GTF2F2: variants seen among roughly 807,000 people sequenced by gnomAD.
The protein encoded by GTF2F2 is general transcription factor IIF subunit 2.
A neutral mutation model predicts 42.2 loss-of-function variants in GTF2F2; 23 were observed. That is an observed-to-expected ratio of 0.55 (90% CI 0.39 to 0.77). The LOEUF is 0.77. GTF2F2 is among the 30% of genes least tolerant of loss of function. GTF2F2 has a pLI of 0.00. For synonymous variants in GTF2F2, 105 were observed against 100.8 expected (o/e 1.04, Z -0.25); for missense variants, 261 against 287.2 (o/e 0.91, Z 0.66).
chr13:45,123,573 G>A (rs1338352257), intron 1 of GTF2F2, among the ~76,000 whole-genome samples: 1 of 151,196 alleles, frequency 6.6e-6, no homozygotes, highest in Non-Finnish European at 1.5e-5. Context: ...AGGCTGCAGT[G>A]AGCTGAGATC....
At chr13:45,281,604 G>A (rs970771802) in intron 7 of GTF2F2, among the ~76,000 whole-genome samples, 1 of 152,138 alleles carries the variant, frequency 6.6e-6, no homozygotes, top group East Asian at 1.9e-4. Flanking sequence ...AGATTCCTGG[G>A]CCTAGCCCAA....
At chr13:45,239,046 G>A (rs1243961153) in intron 5 of GTF2F2, among the ~76,000 whole-genome samples, 1 of 152,092 alleles carries the variant, frequency 6.6e-6, no homozygotes, top group Non-Finnish European at 1.5e-5. Context: ...AAATCTCCAG[G>A]CAGTACAGTC....
rs552437605 is a variant in GTF2F2 at position 45,182,123 on chromosome 13, G to T, written c.305-25301G>T. Reference sequence around the variant, plus strand: ...CTCTCTTCCAGCTTCCACCAGTTTAGTTTTTTAGACTACATTTCACTTTCC... The same window carrying T: ...CTCTCTTCCAGCTTCCACCAGTTTATTTTTTTAGACTACATTTCACTTTCC... On this transcript the variant is annotated intron_variant, in intron 4 of 7. Transcript: ENST00000340473. 3.3e-5 allele frequency among the ~76,000 whole-genome samples: 5 copies of T among 152,118 alleles called. No homozygotes were observed. The South Asian group carries it at 8.3e-4, about 25-fold the overall frequency.
intron 4 of GTF2F2, among the ~76,000 whole-genome samples, chr13:45,156,578 TA>T (rs1257660692): frequency 6.6e-6 from 1 of 152,142 alleles, no homozygotes; most frequent in African/African-American, 2.4e-5. Context: ...GAACATGGGA[TA>T]ATAGAGGTAA....
At chr13:45,250,121 G>A (rs1426675972) in intron 5 of GTF2F2, among the ~76,000 whole-genome samples, 1 of 130,894 alleles carries the variant, frequency 7.6e-6, no homozygotes, top group Admixed American at 8.8e-5. Context: ...GTGACACGAT[G>A]TTGGCTCACT....
intron 4 of GTF2F2, among the ~76,000 whole-genome samples, chr13:45,179,566 T>G (rs1872047788): frequency 6.6e-6 from 1 of 152,202 alleles, no homozygotes; most frequent in Non-Finnish European, 1.5e-5. Context: ...GGAAATGAAC[T>G]CCTGTTAGAC....
At chr13:45,230,249 T>C (rs187484006) in intron 5 of GTF2F2, among the ~76,000 whole-genome samples, 84 of 151,082 alleles carry the variant, frequency 5.6e-4, no homozygotes, top group South Asian at 1.7e-3. Flanking sequence ...AAAAGGATGG[T>C]AGGAGAGGTA....
intron 1 of GTF2F2, among the ~76,000 whole-genome samples, chr13:45,136,532 T>C (rs1869630744): frequency 6.6e-6 from 1 of 152,254 alleles, no homozygotes; most frequent in Non-Finnish European, 1.5e-5. Context: ...AGTTTTGTGT[T>C]GCCACCTCGA....
At chr13:45,218,844 A>C (rs905063232) in intron 5 of GTF2F2, among the ~76,000 whole-genome samples, 7 of 152,232 alleles carry the variant, frequency 4.6e-5, no homozygotes, top group African/African-American at 1.7e-4. Context: ...GGATTTAAAT[A>C]TTCCTAGTAG....
chr13:45,234,302 A>G (rs1197499165), intron 5 of GTF2F2, among the ~76,000 whole-genome samples: 1 of 152,250 alleles, frequency 6.6e-6, no homozygotes, highest in Non-Finnish European at 1.5e-5. Context: ...AGGATATAAA[A>G]TAAGTGACTG....
intron 4 of GTF2F2, among the ~76,000 whole-genome samples, chr13:45,164,726 G>GA (rs910218901): frequency 8.7e-5 from 13 of 149,014 alleles, no homozygotes; most frequent in East Asian, 3.9e-4. Flanking sequence ...ACCCTGTCTG[G>GA]AAAAAAAAAA....
chr13:45,265,967 G>A (rs1382076911), intron 6 of GTF2F2, among the ~76,000 whole-genome samples: 1 of 152,174 alleles, frequency 6.6e-6, no homozygotes, highest in African/African-American at 2.4e-5. Context: ...TACAAGTGAA[G>A]TGTTCCTAAA....
intron 5 of GTF2F2, among the ~76,000 whole-genome samples, chr13:45,246,416 T>A (rs748556618): frequency 6.6e-6 from 1 of 152,178 alleles, no homozygotes; most frequent in African/African-American, 2.4e-5. Context: ...TTATCTTACT[T>A]AGGCACCACT....
intron 5 of GTF2F2, among the ~76,000 whole-genome samples, chr13:45,248,414 TTTG>T (rs1217750697): frequency 6.6e-6 from 1 of 152,120 alleles, no homozygotes; most frequent in Admixed American, 6.6e-5. Context: ...TTTGTGTTTT[TTTG>T]TTTTGTTTTG....
intron 4 of GTF2F2, among the ~76,000 whole-genome samples, chr13:45,171,605 TA>T (rs988036861): frequency 1.7e-4 from 26 of 152,196 alleles, no homozygotes; most frequent in African/African-American, 5.5e-4. Context: ...TATTGCCTTT[TA>T]AAAAATTACA....
At chr13:45,275,950 C>T (rs1877016988) in intron 7 of GTF2F2, among the ~76,000 whole-genome samples, 1 of 152,190 alleles carries the variant, frequency 6.6e-6, no homozygotes, top group Non-Finnish European at 1.5e-5. Flanking sequence ...TTCTCCACAT[C>T]CTCTCCAGCA....
chr13:45,143,235 A>G (rs907688409), intron 2 of GTF2F2, among the ~76,000 whole-genome samples: 18 of 152,188 alleles, frequency 1.2e-4, no homozygotes, highest in African/African-American at 3.6e-4. Flanking sequence ...ACCTCTAAGT[A>G]TGTAGGTTTA....
intron 7 of GTF2F2, among the ~76,000 whole-genome samples, chr13:45,268,037 T>G (rs1352538079): frequency 1.3e-5 from 2 of 152,166 alleles, no homozygotes; most frequent in Non-Finnish European, 2.9e-5. Flanking sequence ...GCATTAATAA[T>G]CCATTTAAAA....
chr13:45,232,517 C>G (rs1374687345), intron 5 of GTF2F2, among the ~76,000 whole-genome samples: 1 of 152,038 alleles, frequency 6.6e-6, no homozygotes, highest in African/African-American at 2.4e-5. Context: ...TACCTATAGT[C>G]CCAGCTACTC....
Sources: allele counts gnomAD v4.1 joint callset (sites outside exome capture counted in the v4.1 genomes callset), GRCh38; gene constraint gnomAD v4.1.1; transcripts MANE v1.5; gene names NCBI Gene and HGNC (gene_info 2026-07-23, HGNC 2026-07-21).